The following TBX21 variants were observed in gnomAD, a reference collection of about 807,000 sequenced individuals.
TBX21 encodes the protein T-box transcription factor TBX21.
Under a neutral mutation model 52.2 loss-of-function variants are expected in TBX21, and 11 were observed. The ratio of observed to expected loss-of-function variants is 0.21; its 90% CI spans 0.13 to 0.35. The LOEUF (loss-of-function observed/expected upper bound fraction) is 0.35, where lower values mean the gene tolerates loss of function less well. Ranked by LOEUF, TBX21 falls within the 10% of genes least tolerant of loss-of-function variation. TBX21 has a pLI of 1.00. For missense variants in TBX21, 625 were observed against 755.1 expected (o/e 0.83, Z 2.02); for synonymous variants, 300 against 316.1 (o/e 0.95, Z 0.54).
At position 47,733,821 on chromosome 17, in the gene TBX21, G is replaced by C. The variant is rs1248662012; in HGVS notation, c.367G>C (p.Glu123Gln). 6.2e-7 allele frequency: 1 copy of C among 1,603,526 alleles called. No homozygotes were observed. Among genetic ancestry groups the C allele is most frequent in the Non-Finnish European group, 8.5e-7 (1 of 1,175,980 alleles). Residue 123 changes from glutamate to glutamine, a missense_variant, in exon 1 of 6, where the codon GAG becomes CAG. Glu to Gln is a conservative substitution (Grantham distance 29, BLOSUM62 2). Transcript: ENST00000177694. The surrounding 1 kb of genome is among the most constrained non-coding windows in gnomAD (Gnocchi z 6.6). ...PRAGLYPGPR[E>Q]DYALPAGLEV... ...CGCCGGGCTCTACCCGGGGCCGCGT[G>C]AGGACTACGCGCTACCCGCGGGACT...
rs925486710 is a variant in TBX21 at position 47,733,339 on chromosome 17, C to A, written c.-116C>A. 2 of 1,310,688 alleles carry A rather than the reference C, an allele frequency of 1.5e-6. No homozygotes were observed. Among genetic ancestry groups the A allele is most frequent in the Non-Finnish European group, 9.8e-7 (1 of 1,024,516 alleles). The allele number at this position is 1,310,688 out of a possible 1,614,324, so 81.2% of individuals were successfully genotyped here. A position where few individuals can be genotyped will look rare whatever the true frequency, so the allele number is the denominator to read the frequency against. On this transcript the variant is annotated 5_prime_UTR_variant, in exon 1 of 6. Transcript: ENST00000177694. This position sits in a 1 kb window ranked among gnomAD's most constrained non-coding sequence, Gnocchi z 6.6. ...GAGCCCGGGCTCCGGTGGGGTCCCC[C>A]ACCCGGCCCTCGGGTCCCCCGCCCC...
Position 47,744,755 on chromosome 17 carries a change from A to G in TBX21, c.997A>G (p.Thr333Ala). Residue 333 changes from threonine (T) to alanine (A), a missense_variant, in exon 6 of 6, where the codon ACA (threonine) becomes GCA (alanine). By Grantham distance (58) the Thr-to-Ala change is moderately conservative. This residue lies in a region of TBX21 where 261 missense variants were observed against 275.1 expected (regional missense o/e 0.95). Coordinates refer to ENST00000177694, the MANE Select transcript of TBX21 (RefSeq NM_013351.2). The part of the protein sequence containing the change: ...GFRENFESMY[T>A]SVDTSIPSPP... ...CCTTCTATTTTTTTCTAGCATGTAC[A>G]CATCTGTTGACACCAGCATCCCCTC... The G allele has an allele frequency of 6.2e-7, 1 of 1,612,800 alleles. No homozygotes were observed. The highest frequency in any genetic ancestry group is 8.5e-7 in the Non-Finnish European group (1 of 1,179,258).
At chr17:47,741,871 C>T (rs563960140) in intron 1 of TBX21, among the ~76,000 whole-genome samples, 1 of 152,116 alleles carries the variant, frequency 6.6e-6, no homozygotes, top group African/African-American at 2.4e-5. Flanking sequence ...TTTGCTGATC[C>T]CTGTGGTGTA....
At chr17:47,735,733 A>G (rs2032200444) in intron 1 of TBX21, among the ~76,000 whole-genome samples, 1 of 152,250 alleles carries the variant, frequency 6.6e-6, no homozygotes, top group Non-Finnish European at 1.5e-5. Flanking sequence ...TAGGTAGGCC[A>G]AGCAGTCTCC....
intron 1 of TBX21, among the ~76,000 whole-genome samples, chr17:47,741,520 C>G (rs2032266636): frequency 6.6e-6 from 1 of 152,138 alleles, no homozygotes; most frequent in African/African-American, 2.4e-5. Flanking sequence ...TTCAATAGAG[C>G]CTTCTTTCAG....
rs2032278268 is a variant in TBX21 at position 47,742,548 on chromosome 17, A to T, written c.492-62A>T. 1.3e-6 allele frequency: 2 copies of T among 1,514,132 alleles called. No individual in the cohort carries two copies. Among genetic ancestry groups the T allele is most frequent in the South Asian group, 2.6e-5 (2 of 76,354 alleles). 93.8% of individuals were successfully genotyped at this position (1,514,132 alleles called of 1,614,324 possible). A position where few individuals can be genotyped will look rare whatever the true frequency, so the allele number is the denominator to read the frequency against. On this transcript the variant is annotated intron_variant, in intron 1 of 5. Transcript: ENST00000177694. This position sits in a 1 kb window ranked among gnomAD's most constrained non-coding sequence, Gnocchi z 4.4. The stretch of plus-strand genomic sequence containing the variant: ...ACCACTGATGCCTGGGCACTGTTGC[A>T]GGGGGGACTGGCTGTCAAGCTGGAG...
intron 1 of TBX21, among the ~76,000 whole-genome samples, chr17:47,740,056 A>G (rs2032251439): frequency 1.3e-5 from 2 of 152,002 alleles, no homozygotes; most frequent in African/African-American, 4.8e-5. Context: ...AAAATTGGAA[A>G]TAACATTTTA....
chr17:47,744,106 G>A (rs988256115), intron 3 of TBX21, 89 bp from the exon 4 acceptor site: 53 of 1,530,616 alleles, frequency 3.5e-5, no homozygotes, highest in Non-Finnish European at 4.7e-5. Flanking sequence ...GTGCTTGCTA[G>A]CCTCACGTGG....
chr17:47,742,988 C>T lies in TBX21; in HGVS notation c.647-83C>T, dbSNP rs1359668933. 18 of 1,572,038 alleles carry T rather than the reference C, an allele frequency of 1.1e-5. No homozygotes were observed. The highest frequency in any genetic ancestry group is 1.5e-5 in the Non-Finnish European group (17 of 1,160,220). ...GGTCCTCCCCCTGTGTCCTTCCTTA[C>T]GTCCCTCTCGGGACAGGCAAAGCCC... On this transcript the variant is annotated intron_variant, in intron 2 of 5. Transcript: ENST00000177694. This position sits in a 1 kb window ranked among gnomAD's most constrained non-coding sequence, Gnocchi z 4.4.
chr17:47,733,680 G>C lies in TBX21; in HGVS notation c.226G>C (p.Ala76Pro), dbSNP rs1442521667. The change falls in exon 1 of 6, where the codon GCC becomes CCC. Residue 76 changes from alanine (A) to proline (P), a missense_variant. Ala to Pro is a conservative substitution (Grantham distance 27, BLOSUM62 -1). Coordinates refer to ENST00000177694, the MANE Select transcript of TBX21 (RefSeq NM_013351.2). This position sits in a 1 kb window ranked among gnomAD's most constrained non-coding sequence, Gnocchi z 6.6. ...GCCGAGCCGCTTCCTTGGAGCCTAC[G>C]CCTACCCGCCGCGACCCCAGGCGGC... ...APPSRFLGAY[A>P]YPPRPQAAGF... is the part of the protein sequence containing the mutation. The C allele has an allele frequency of 3.5e-6, 5 of 1,437,174 alleles. No individual in the cohort carries two copies. In the African/African-American group the frequency reaches 7.5e-5, roughly 22 times the overall value. 89.0% of individuals were successfully genotyped at this position (1,437,174 alleles called of 1,614,324 possible).
At chr17:47,739,756 C>T (rs568995807) in intron 1 of TBX21, among the ~76,000 whole-genome samples, 43 of 134,580 alleles carry the variant, frequency 3.2e-4, no homozygotes, top group Admixed American at 2.4e-3. Flanking sequence ...AGCGAGACTC[C>T]GTCTCAAAAA....
In TBX21 at chr17:47,733,682, C is replaced by T. The variant is rs2032168398; in HGVS notation, c.228C>T (p.Ala76=). The T allele has an allele frequency of 1.4e-6, 2 of 1,436,352 alleles. No homozygotes were observed. The highest frequency in any genetic ancestry group is 1.8e-6 in the Non-Finnish European group (2 of 1,095,572). 89.0% of individuals were successfully genotyped at this position (1,436,352 alleles called of 1,614,324 possible). A position where few individuals can be genotyped will look rare whatever the true frequency, so the allele number is the denominator to read the frequency against. The stretch of plus-strand genomic sequence containing the variant: ...CGAGCCGCTTCCTTGGAGCCTACGC[C>T]TACCCGCCGCGACCCCAGGCGGCCG... ...APPSRFLGAY[A]YPPRPQAAGF... is the part of the protein sequence containing the mutation. The change falls in exon 1 of 6, where the codon GCC becomes GCT. Residue 76 remains alanine, a synonymous_variant. Coordinates refer to ENST00000177694, the MANE Select transcript of TBX21 (RefSeq NM_013351.2). The surrounding 1 kb of genome is among the most constrained non-coding windows in gnomAD (Gnocchi z 6.6).
At chr17:47,740,796 C>T (rs777517602) in intron 1 of TBX21, among the ~76,000 whole-genome samples, 3 of 152,178 alleles carry the variant, frequency 2.0e-5, no homozygotes, top group African/African-American at 4.8e-5. Flanking sequence ...ATCTATTTTT[C>T]TCAACTCAGG....
intron 1 of TBX21, among the ~76,000 whole-genome samples, chr17:47,736,299 G>A (rs41321047): frequency 0.15 from 23,417 of 151,910 alleles, 1,949 homozygotes; most frequent in South Asian, 0.19. Context: ...TCCTCACTTC[G>A]CTTCTTCTGT....
At position 47,744,915 on chromosome 17, in the gene TBX21, G is replaced by T. The variant is rs751981250; in HGVS notation, c.1157G>T (p.Trp386Leu). The T allele has an allele frequency of 1.5e-5, 24 of 1,614,072 alleles. No homozygotes were observed. The Admixed American group carries it at 3.2e-4, about 21-fold the overall frequency. ...AAGGATGTGGTTCCCCAGGCTTACT[G>T]GCTGGGGGCCCCCCGGGACCACAGC... is the stretch of plus-strand genomic sequence containing the variant. The part of the protein sequence containing the change: ...QAKDVVPQAY[W>L]LGAPRDHSYE... The change falls in exon 6 of 6, where the codon TGG (tryptophan) becomes TTG (leucine). Residue 386 changes from tryptophan (W) to leucine (L), a missense_variant. Physicochemically the swap from Trp to Leu is moderately conservative, Grantham distance 61. Around this residue, in one of 4 missense-constraint regions of TBX21, gnomAD observed 261 missense variants for 275.1 expected, o/e 0.95. Coordinates refer to ENST00000177694, the MANE Select transcript of TBX21 (RefSeq NM_013351.2).
At position 47,733,809 on chromosome 17, in the gene TBX21, C is replaced by A; in HGVS notation, c.355C>A (p.Pro119Thr). The A allele has an allele frequency of 1.3e-6, 2 of 1,593,584 alleles. No homozygotes were observed. The highest frequency in any genetic ancestry group is 1.7e-6 in the Non-Finnish European group (2 of 1,171,176). The change falls in exon 1 of 6, where the codon CCG (proline) becomes ACG (threonine). Residue 119 changes from proline (P) to threonine (T), a missense_variant. Transcript: ENST00000177694. The surrounding 1 kb of genome is among the most constrained non-coding windows in gnomAD (Gnocchi z 6.6). ...CCCGGACCCGCGCGCCGGGCTCTAC[C>A]CGGGGCCGCGTGAGGACTACGCGCT... ...AAPDPRAGLY[P>T]GPREDYALPA...
At chr17:47,740,247 T>C (rs2032253574) in intron 1 of TBX21, among the ~76,000 whole-genome samples, 1 of 151,836 alleles carries the variant, frequency 6.6e-6, no homozygotes, top group Admixed American at 6.6e-5. Flanking sequence ...TCTGTATTTT[T>C]AGTAAATATG....
intron 1 of TBX21, among the ~76,000 whole-genome samples, chr17:47,736,146 T>C (rs1161086453): frequency 1.3e-5 from 2 of 152,198 alleles, no homozygotes; most frequent in Non-Finnish European, 2.9e-5. Flanking sequence ...TTGACAAGTT[T>C]TTTTGTCCCC....
intron 1 of TBX21, 59 bp downstream of exon 1, chr17:47,734,004 C>G (rs536226571): frequency 1.2e-6 from 2 of 1,609,476 alleles, no homozygotes; most frequent in East Asian, 4.5e-5. Context: ...AAGAACGTCT[C>G]GTCTGTTTTT....
Sources: allele counts gnomAD v4.1 joint callset (sites outside exome capture counted in the v4.1 genomes callset), GRCh38; gene constraint gnomAD v4.1.1; regional missense constraint gnomAD v4.1.1; non-coding constraint Gnocchi (gnomAD v3.1); transcripts MANE v1.5; gene names NCBI Gene and HGNC (gene_info 2026-07-23, HGNC 2026-07-21).